RNF115: variants seen among roughly 807,000 people sequenced by gnomAD.
RNF115 encodes the protein E3 ubiquitin-protein ligase RNF115.
RNF115 carries 31 observed loss-of-function variants against 39.2 expected under a neutral mutation model. The ratio of observed to expected loss-of-function variants is 0.79; its 90% CI spans 0.59 to 1.07. The LOEUF is 1.07. Ranked by LOEUF, RNF115 falls within the 50% of genes least tolerant of loss-of-function variation. The pLI, the probability that RNF115 is intolerant of heterozygous loss-of-function variation, is 0.00. For synonymous variants in RNF115, 124 were observed against 131.0 expected (o/e 0.95, Z 0.37); for missense variants, 384 against 381.7 (o/e 1.01, Z -0.05).
At chr1:145,797,061 G>C (rs959533429) in intron 1 of RNF115, among the ~76,000 whole-genome samples, 2 of 152,144 alleles carry the variant, frequency 1.3e-5, no homozygotes, top group Non-Finnish European at 2.9e-5. Context: ...AAACGTACCA[G>C]ATCACTGCAT....
chr1:145,773,765 G>A (rs12725120), intron 3 of RNF115: 43,033 of 151,158 alleles, frequency 0.28, 7,132 homozygotes, highest in Non-Finnish European at 0.37. Flanking sequence ...TTCCTCTCAG[G>A]CTTTCAATAT....
chr1:145,771,093 T>C (rs1553715677), intron 4 of RNF115, among the ~76,000 whole-genome samples: 2 of 152,208 alleles, frequency 1.3e-5, no homozygotes, highest in Non-Finnish European at 2.9e-5. Context: ...ACTGCTATAG[T>C]TTGAATGTGC....
At chr1:145,790,755 C>T (rs938715645) in intron 1 of RNF115, among the ~76,000 whole-genome samples, 23 of 152,004 alleles carry the variant, frequency 1.5e-4, no homozygotes, top group Admixed American at 5.9e-4. Flanking sequence ...AGAATGAATT[C>T]ATCGTCCAAT....
intron 1 of RNF115, among the ~76,000 whole-genome samples, chr1:145,814,420 TA>T (rs1649887035): frequency 6.6e-6 from 1 of 151,804 alleles, no homozygotes; most frequent in Admixed American, 6.6e-5. Flanking sequence ...TCGTCTCTAC[TA>T]AAAATACAAA....
At chr1:145,798,409 T>C (rs1553720399) in intron 1 of RNF115, among the ~76,000 whole-genome samples, 1 of 152,174 alleles carries the variant, frequency 6.6e-6, no homozygotes, top group Non-Finnish European at 1.5e-5. Flanking sequence ...TTCCCAACAC[T>C]GTTTGCTGAA....
At chr1:145,793,633 C>T (rs954171620) in intron 1 of RNF115, among the ~76,000 whole-genome samples, 1 of 151,472 alleles carries the variant, frequency 6.6e-6, no homozygotes, top group Non-Finnish European at 1.5e-5. Context: ...TTCTCACACA[C>T]ACACACACAC....
At chr1:145,789,014 A>C in intron 1 of RNF115, 48 bp from the exon 2 acceptor site, 1 of 1,182,280 alleles carries the variant, frequency 8.5e-7, no homozygotes, top group Non-Finnish European at 1.2e-6. Flanking sequence ...TTAGAAAGCT[A>C]CGTGGTATCT....
intron 1 of RNF115, among the ~76,000 whole-genome samples, chr1:145,820,496 T>C (rs1195284805): frequency 6.6e-6 from 1 of 150,750 alleles, no homozygotes; most frequent in African/African-American, 2.4e-5. Context: ...TCCCACCACT[T>C]TGGGAGGCCA....
chr1:145,781,900 CTTTT>C (rs34615861), intron 3 of RNF115, among the ~76,000 whole-genome samples: 1 of 135,554 alleles, frequency 7.4e-6, no homozygotes. Context: ...TACACTTTTC[CTTTT>C]TTTTTTTTTT....
intron 6 of RNF115, among the ~76,000 whole-genome samples, chr1:145,750,922 G>A (rs1553712385): frequency 6.6e-6 from 1 of 152,204 alleles, no homozygotes; most frequent in Non-Finnish European, 1.5e-5. Context: ...CTGCCTATAA[G>A]ACGACTGAAT....
At chr1:145,794,241 C>A (rs1215194276) in intron 1 of RNF115, among the ~76,000 whole-genome samples, 1 of 152,064 alleles carries the variant, frequency 6.6e-6, no homozygotes, top group African/African-American at 2.4e-5. Flanking sequence ...TAAAACAGAC[C>A]ATGTCATTAC....
At chr1:145,807,411 A>G (rs1022845486) in intron 1 of RNF115, among the ~76,000 whole-genome samples, 2 of 152,214 alleles carry the variant, frequency 1.3e-5, no homozygotes, top group Non-Finnish European at 2.9e-5. Flanking sequence ...TATAATATTA[A>G]AACAACTTCT....
intron 1 of RNF115, among the ~76,000 whole-genome samples, chr1:145,802,881 G>A (rs1462917273): frequency 6.6e-6 from 1 of 152,102 alleles, no homozygotes; most frequent in Admixed American, 6.6e-5. Flanking sequence ...GCTAAGTCTC[G>A]TCACTAGGTC....
intron 4 of RNF115, among the ~76,000 whole-genome samples, chr1:145,768,216 C>A (rs1647466251): frequency 6.6e-6 from 1 of 152,254 alleles, no homozygotes. Flanking sequence ...CCTGGGCTCA[C>A]AGGAGATGCC....
intron 3 of RNF115, among the ~76,000 whole-genome samples, chr1:145,781,043 ACT>A (rs1360034300): frequency 1.3e-5 from 2 of 151,784 alleles, no homozygotes; most frequent in Non-Finnish European, 2.9e-5. Flanking sequence ...TTTCAGATTC[ACT>A]CTCCACCGGC....
chr1:145,804,415 A>C (rs1649376686), intron 1 of RNF115, among the ~76,000 whole-genome samples: 1 of 152,144 alleles, frequency 6.6e-6, no homozygotes, highest in South Asian at 2.1e-4. Flanking sequence ...ATGTGAAGCA[A>C]AACAAAGCTG....
chr1:145,759,902 A>C (rs187895397), intron 4 of RNF115, among the ~76,000 whole-genome samples: 62 of 152,238 alleles, frequency 4.1e-4, no homozygotes, highest in African/African-American at 1.5e-3. Context: ...CTTTCTCAAT[A>C]AGACATTTGC....
chr1:145,819,609 G>A (rs1277753525), intron 1 of RNF115, among the ~76,000 whole-genome samples: 1 of 152,122 alleles, frequency 6.6e-6, no homozygotes, highest in Non-Finnish European at 1.5e-5. Context: ...CCCATTCCAT[G>A]AGGCCAGCAG....
At chr1:145,754,939 C>T (rs141365260) in intron 4 of RNF115, among the ~76,000 whole-genome samples, 25 of 151,918 alleles carry the variant, frequency 1.6e-4, no homozygotes, top group African/African-American at 6.0e-4. Flanking sequence ...ACTTCCAAGA[C>T]AAGGTAAAAA....
Sources: allele counts gnomAD v4.1 joint callset (sites outside exome capture counted in the v4.1 genomes callset), GRCh38; gene constraint gnomAD v4.1.1; transcripts MANE v1.5; gene names NCBI Gene and HGNC (gene_info 2026-07-23, HGNC 2026-07-21).